Variants in TENM1 observed in about 807,000 individuals in gnomAD.
TENM1 encodes the protein teneurin transmembrane protein 1, also known as teneurin-1.
In TENM1, 35 loss-of-function variants were observed where a neutral mutation model predicts 174.8. The ratio of observed to expected loss-of-function variants is 0.20; its 90% confidence interval spans 0.15 to 0.27. TENM1 has a LOEUF of 0.27. Among genes scored for constraint, TENM1 ranks in the 10% least tolerant of loss-of-function variants. The pLI is 1.00. For missense variants in TENM1, 1,633 were observed against 2,130.1 expected, an observed-to-expected ratio of 0.77 and a Z score of 4.59; for synonymous variants, 781 against 798.7, an observed-to-expected ratio of 0.98 and a Z score of 0.37.
the TENM1 span, among the ~76,000 whole-genome samples, chrX:125,181,261 C>T: frequency 1.8e-5 from 2 of 111,639 alleles, no homozygotes; most frequent in Admixed American, 1.9e-4. Context: ...CTTGCCCAAG[C>T]TGTACAGTCA....
the TENM1 span, among the ~76,000 whole-genome samples, chrX:124,979,106 C>A: frequency 8.9e-6 from 1 of 112,821 alleles, no homozygotes; most frequent in African/African-American, 3.2e-5. Context: ...TTACAGCCTG[C>A]CCCACCACAG....
chrX:124,949,023 G>A (rs2058443437), intron 1 of TENM1, among the ~76,000 whole-genome samples: 1 of 111,716 alleles, frequency 9.0e-6, no homozygotes, highest in South Asian at 3.8e-4. Context: ...GGGAACTTAA[G>A]ATCCTCAACA....
At chrX:124,751,149 T>G (rs1431010895) in intron 3 of TENM1, among the ~76,000 whole-genome samples, 4 of 111,539 alleles carry the variant, frequency 3.6e-5, no homozygotes, top group African/African-American at 1.3e-4. Flanking sequence ...ACTGAGCAAT[T>G]TATGTATGCT....
chrX:125,135,879 CA>C, the TENM1 span, among the ~76,000 whole-genome samples: 3 of 111,605 alleles, frequency 2.7e-5, no homozygotes, highest in Non-Finnish European at 5.7e-5. Flanking sequence ...AATCAGAATA[CA>C]AATCTGAAAA....
intron 27 of TENM1, among the ~76,000 whole-genome samples, chrX:124,395,089 A>C (rs143738142): frequency 1.5e-3 from 168 of 111,727 alleles, no homozygotes; most frequent in African/African-American, 5.0e-3. Context: ...AGGTTGTATA[A>C]ATTCATACTC....
At chrX:124,977,963 TGTGTGAGAGAGAGAGAGAGAGAGAGAGA>T in the TENM1 span, among the ~76,000 whole-genome samples, 131 of 40,651 alleles carry the variant, frequency 3.2e-3, 1 homozygote, top group East Asian at 7.2e-3. Flanking sequence ...TGTGTGTGTG[TGTGTGAGAGAGAGAGAGAGAGAGAGAGA>T]GAGAGAGAGA....
chrX:124,888,409 C>A (rs1043641978), intron 3 of TENM1, among the ~76,000 whole-genome samples: 1 of 111,917 alleles, frequency 8.9e-6, no homozygotes, highest in African/African-American at 3.2e-5. Context: ...AGGGTTACTA[C>A]AATGACAACG....
At chrX:124,912,308 A>T (rs1313921032) in intron 1 of TENM1, among the ~76,000 whole-genome samples, 3 of 111,392 alleles carry the variant, frequency 2.7e-5, no homozygotes, top group Non-Finnish European at 5.7e-5. Context: ...CATTTGAGGG[A>T]AGTTGAGGAC....
chrX:125,081,315 C>G, the TENM1 span, among the ~76,000 whole-genome samples: 2 of 111,182 alleles, frequency 1.8e-5, no homozygotes, highest in Non-Finnish European at 3.8e-5. Context: ...TAAATTATAA[C>G]TTCAATCCTG....
At chrX:124,686,539 A>T (rs1055193536) in intron 5 of TENM1, among the ~76,000 whole-genome samples, 6 of 112,099 alleles carry the variant, frequency 5.4e-5, no homozygotes, top group African/African-American at 1.9e-4. Flanking sequence ...TTGGCAAACC[A>T]AATCCAGCAG....
At chrX:124,478,184 T>C in intron 22 of TENM1, among the ~76,000 whole-genome samples, 1 of 112,491 alleles carries the variant, frequency 8.9e-6, no homozygotes, top group Non-Finnish European at 1.9e-5. Flanking sequence ...AATTAGTCAA[T>C]GGCACCACTC....
chrX:125,011,790 G>A, the TENM1 span, among the ~76,000 whole-genome samples: 1 of 111,330 alleles, frequency 9.0e-6, no homozygotes, highest in African/African-American at 3.3e-5. Flanking sequence ...GATTCCTCAG[G>A]GATCTAGAAC....
intron 6 of TENM1, among the ~76,000 whole-genome samples, chrX:124,658,844 A>C (rs1406076355): frequency 8.9e-6 from 1 of 112,052 alleles, no homozygotes; most frequent in African/African-American, 3.2e-5. Context: ...TCCTTAATTA[A>C]AGGACTTATT....
intron 3 of TENM1, among the ~76,000 whole-genome samples, chrX:124,858,825 C>CT (rs368409415): frequency 0.067 from 6,981 of 104,518 alleles, 548 homozygotes; most frequent in African/African-American, 0.22. Flanking sequence ...TCAAATGATT[C>CT]TTTTTTTTTT....
At chrX:125,076,631 G>A in the TENM1 span, among the ~76,000 whole-genome samples, 3 of 111,344 alleles carry the variant, frequency 2.7e-5, no homozygotes, top group East Asian at 8.5e-4. Context: ...CATAGGCAGT[G>A]TTTGGATTAG....
At chrX:125,040,223 C>G in the TENM1 span, among the ~76,000 whole-genome samples, 1 of 111,110 alleles carries the variant, frequency 9.0e-6, no homozygotes, top group Non-Finnish European at 1.9e-5. Context: ...AGGGCACCTC[C>G]CTTGCATAGG....
intron 4 of TENM1, among the ~76,000 whole-genome samples, chrX:124,727,801 T>A (rs1343583497): frequency 1.8e-5 from 2 of 111,212 alleles, no homozygotes; most frequent in Non-Finnish European, 3.8e-5. Context: ...GGTGCAAATT[T>A]CATGTGCGGT....
At chrX:124,431,313 T>A (rs2060776523) in intron 23 of TENM1, among the ~76,000 whole-genome samples, 1 of 112,395 alleles carries the variant, frequency 8.9e-6, no homozygotes, top group Non-Finnish European at 1.9e-5. Flanking sequence ...CTAATCTCCC[T>A]CTTTTACTAC....
chrX:124,912,765 A>C (rs1156784042), intron 1 of TENM1, among the ~76,000 whole-genome samples: 1 of 111,793 alleles, frequency 8.9e-6, no homozygotes, highest in Non-Finnish European at 1.9e-5. Flanking sequence ...AAAACAGTCC[A>C]CTTGCGAACA....
Sources: allele counts gnomAD v4.1 joint callset (sites outside exome capture counted in the v4.1 genomes callset), GRCh38; gene constraint gnomAD v4.1.1; transcripts MANE v1.5; gene names NCBI Gene and HGNC (gene_info 2026-07-23, HGNC 2026-07-21).